Variants in PCSK9 observed in about 807,000 individuals in gnomAD.
PCSK9 encodes convertase subtilisin/kexin type 9 preproprotein.
In PCSK9, 57 loss-of-function variants were observed where a neutral mutation model predicts 62.1. The observed-to-expected ratio is 0.92, with a 90% CI of 0.74 to 1.14. The LOEUF (loss-of-function observed/expected upper bound fraction) is 1.14, where lower values mean the gene tolerates loss of function less well. PCSK9 is among the 50% of genes most tolerant of loss of function. The pLI, the probability that PCSK9 is intolerant of heterozygous loss-of-function variation, is 0.00. For missense variants in PCSK9, 870 were observed against 959.8 expected (o/e 0.91, Z 1.24); for synonymous variants, 387 against 409.4 (o/e 0.95, Z 0.66).
intron 11 of PCSK9, among the ~76,000 whole-genome samples, chr1:55,061,804 G>C (rs1222374826): frequency 1.3e-5 from 2 of 152,244 alleles, no homozygotes; most frequent in Non-Finnish European, 2.9e-5. Context: ...ACTTGGAGTA[G>C]AATGTGCATA....
chr1:55,059,777 C>A, intron 10 of PCSK9, 114 bp downstream of exon 10: 1 of 1,332,220 alleles, frequency 7.5e-7, no homozygotes, highest in Non-Finnish European at 1.0e-6. Context: ...GCCTGACTTG[C>A]AGTTCCATAC....
intron 11 of PCSK9, 32 bp downstream of exon 11, chr1:55,061,588 G>A: frequency 6.4e-7 from 1 of 1,563,078 alleles, no homozygotes; most frequent in Non-Finnish European, 8.7e-7. Context: ...GGTGGGTGGG[G>A]TGCTGCGTGT....
At chr1:55,042,148 C>T (rs948293755) in intron 1 of PCSK9, among the ~76,000 whole-genome samples, 2 of 151,604 alleles carry the variant, frequency 1.3e-5, no homozygotes, top group Non-Finnish European at 2.9e-5. Flanking sequence ...GGTTTCACCA[C>T]GTTGGCCAGG....
chr1:55,063,550 G>A lies in PCSK9; in HGVS notation c.2045G>A (p.Arg682Gln), dbSNP rs758946245. ...VTAVAICCRS[R>Q]HLAQASQELQ ...GCCGTTGCCATCTGCTGCCGGAGCC[G>A]GCACCTGGCGCAGGCCTCCCAGGAG... Residue 682 changes from arginine to glutamine, a missense_variant, in exon 12 of 12, where the codon CGG becomes CAG. Arg to Gln is a conservative substitution (Grantham distance 43). Coordinates refer to ENST00000302118, the MANE Select transcript of PCSK9 (RefSeq NM_174936.4). The A allele has an allele frequency of 5.0e-6, 8 of 1,612,708 alleles. No homozygotes were observed. The African/African-American group carries it at 5.3e-5, about 11-fold the overall frequency.
At chr1:55,051,300 T>G (rs1486504977) in intron 3 of PCSK9, 3 of 429,558 alleles carry the variant, frequency 7.0e-6, no homozygotes, top group South Asian at 5.0e-5. Flanking sequence ...CCCAGAGGGC[T>G]GCCCTCTGAT....
intron 1 of PCSK9, among the ~76,000 whole-genome samples, chr1:55,042,990 C>T (rs746423690): frequency 1.3e-5 from 2 of 152,208 alleles, no homozygotes; most frequent in African/African-American, 4.8e-5. Context: ...TGCTTCTTCT[C>T]TTGCCATGTG....
At chr1:55,061,642 A>C in intron 11 of PCSK9, 86 bp downstream of exon 11, 1 of 1,505,744 alleles carries the variant, frequency 6.6e-7, no homozygotes, top group Non-Finnish European at 9.0e-7. Flanking sequence ...CCACCACCAT[A>C]CCGCCATGCA....
At chr1:55,056,610 A>C (rs1286584956) in intron 6 of PCSK9, among the ~76,000 whole-genome samples, 1 of 152,122 alleles carries the variant, frequency 6.6e-6, no homozygotes, top group South Asian at 2.1e-4. Context: ...ATGACTGACA[A>C]CTTGAGCAAG....
Position 55,052,637 on chromosome 1 carries a change from G to C in PCSK9, c.658-13G>C. On this transcript the variant is annotated splice_polypyrimidine_tract_variant and intron_variant, in intron 4 of 11. Coordinates refer to ENST00000302118, the MANE Select transcript of PCSK9 (RefSeq NM_174936.4). Reference sequence around the variant, plus strand: ...GGGGTCTTTCTCATGTGGTCCTTGTGTTCGTCGAGCAGGCCAGCAAGTGTG... The same window carrying C: ...GGGGTCTTTCTCATGTGGTCCTTGTCTTCGTCGAGCAGGCCAGCAAGTGTG... 1 of 1,612,688 alleles carries C rather than the reference G, an allele frequency of 6.2e-7. No individual in the cohort carries two copies. Among genetic ancestry groups the C allele is most frequent in the Non-Finnish European group, 8.5e-7 (1 of 1,179,452 alleles).
At chr1:55,062,130 G>GC (rs1312548588) in intron 11 of PCSK9, among the ~76,000 whole-genome samples, 1 of 152,242 alleles carries the variant, frequency 6.6e-6, no homozygotes, top group African/African-American at 2.4e-5. Context: ...GACCAGCAAG[G>GC]CAAGAAAAGG....
intron 10 of PCSK9, among the ~76,000 whole-genome samples, chr1:55,060,373 T>A (rs1055758373): frequency 6.6e-6 from 1 of 152,118 alleles, no homozygotes; most frequent in African/African-American, 2.4e-5. Context: ...CAGCCTGGAA[T>A]AAGAGGCTCA....
intron 5 of PCSK9, among the ~76,000 whole-genome samples, chr1:55,053,660 G>A (rs1462363309): frequency 6.6e-6 from 1 of 152,232 alleles, no homozygotes; most frequent in African/African-American, 2.4e-5. Context: ...CCAGGAGTCT[G>A]CCCTGTGCTC....
At chr1:55,056,322 T>C in intron 6 of PCSK9, 133 bp downstream of exon 6, 1 of 1,069,962 alleles carries the variant, frequency 9.3e-7, no homozygotes, top group Non-Finnish European at 1.3e-6. Flanking sequence ...GCCGAACCCT[T>C]CTGGCTTTGG....
At position 55,063,796 on chromosome 1, in the gene PCSK9, G is replaced by A. The variant is rs1446937027; in HGVS notation, c.*212G>A. On this transcript the variant is annotated 3_prime_UTR_variant, in exon 12 of 12. Transcript: ENST00000302118. ...TCTGGGTGCCTCCTCCCCAGGTGGA[G>A]GTGCCAGGAAGCTCCCTCCCTCACT... 3.2e-6 allele frequency: 2 copies of A among 615,716 alleles called. No individual in the cohort carries two copies. The highest frequency in any genetic ancestry group is 5.6e-6 in the Non-Finnish European group (2 of 354,720). The allele number at this position is 615,716 out of a possible 1,614,324, so 38.1% of individuals were successfully genotyped here.
chr1:55,057,007 T>G (rs909352079), intron 6 of PCSK9, among the ~76,000 whole-genome samples: 5 of 152,224 alleles, frequency 3.3e-5, no homozygotes, highest in African/African-American at 1.2e-4. Flanking sequence ...AACACATCTC[T>G]GCCTTGTCCT....
chr1:55,056,497 G>A (rs1644716293), intron 6 of PCSK9, among the ~76,000 whole-genome samples: 1 of 152,166 alleles, frequency 6.6e-6, no homozygotes, highest in Non-Finnish European at 1.5e-5. Context: ...CCCTCCTGAA[G>A]GTCTTCTGGT....
chr1:55,062,542 A>G (rs1570310767), intron 11 of PCSK9, among the ~76,000 whole-genome samples: 3 of 152,346 alleles, frequency 2.0e-5, no homozygotes, highest in Admixed American at 2.0e-4. Context: ...CGATGGAGAA[A>G]ACTATAGCAA....
chr1:55,056,928 C>G (rs970022979), intron 6 of PCSK9, among the ~76,000 whole-genome samples: 1 of 14,400 alleles, frequency 6.9e-5, no homozygotes, highest in Non-Finnish European at 1.4e-3. Context: ...CAGCGGTAAC[C>G]TAGGTCCCCC....
intron 10 of PCSK9, among the ~76,000 whole-genome samples, chr1:55,060,606 C>T (rs758726290): frequency 1.3e-5 from 2 of 152,130 alleles, no homozygotes; most frequent in African/African-American, 2.4e-5. Context: ...TAATCACGCT[C>T]CCCTTTGGAA....
Sources: allele counts gnomAD v4.1 joint callset (sites outside exome capture counted in the v4.1 genomes callset), GRCh38; gene constraint gnomAD v4.1.1; transcripts MANE v1.5; gene names NCBI Gene and HGNC (gene_info 2026-07-23, HGNC 2026-07-21).